Variants in PRKAA2 observed in about 807,000 individuals in gnomAD.
The protein encoded by PRKAA2 is protein kinase AMP-activated catalytic subunit alpha 2, also known as 5'-AMP-activated protein kinase catalytic subunit alpha-2.
In PRKAA2, 40 loss-of-function variants were observed where a neutral mutation model predicts 56.3. The observed-to-expected ratio is 0.71, with a 90% CI of 0.55 to 0.92. The LOEUF is 0.92. PRKAA2 is among the 40% of genes least tolerant of loss of function. The pLI, the probability that PRKAA2 is intolerant of heterozygous loss-of-function variation, is 0.00. For synonymous variants in PRKAA2, 214 were observed against 234.2 expected (o/e 0.91, Z 0.79); for missense variants, 542 against 686.9 (o/e 0.79, Z 2.36).
intron 6 of PRKAA2, among the ~76,000 whole-genome samples, chr1:56,697,012 A>ATTTTTTTTTTTTTTTCTT: frequency 1.7e-5 from 1 of 57,870 alleles, no homozygotes; most frequent in Non-Finnish European, 3.0e-5. Context: ...CCAGCAAAGA[A>ATTTTTTTTTTTTTTTCTT]TTTTTTTTTT....
chr1:56,687,252 A>G (rs1448573067), intron 2 of PRKAA2, among the ~76,000 whole-genome samples: 3 of 152,180 alleles, frequency 2.0e-5, no homozygotes, highest in Non-Finnish European at 4.4e-5. Flanking sequence ...TCAAATAACT[A>G]CAGCAAACAC....
At chr1:56,648,960 C>T (rs1228961292) in intron 1 of PRKAA2, among the ~76,000 whole-genome samples, 2 of 152,068 alleles carry the variant, frequency 1.3e-5, no homozygotes, top group Non-Finnish European at 2.9e-5. Context: ...GGATACAGAT[C>T]CTTTAATGGA....
chr1:56,654,053 A>G (rs1169865190), intron 1 of PRKAA2, among the ~76,000 whole-genome samples: 1 of 152,140 alleles, frequency 6.6e-6, no homozygotes, highest in African/African-American at 2.4e-5. Context: ...AGTAGAACCA[A>G]AATGAGGCTA....
chr1:56,654,801 G>A (rs1643927338), intron 1 of PRKAA2, among the ~76,000 whole-genome samples: 1 of 152,058 alleles, frequency 6.6e-6, no homozygotes, highest in South Asian at 2.1e-4. Context: ...GGTGTCTTAT[G>A]TTTGGCAGTG....
intron 1 of PRKAA2, chr1:56,671,519 T>G (rs955396939): frequency 6.6e-6 from 1 of 152,218 alleles, no homozygotes; most frequent in African/African-American, 2.4e-5. Flanking sequence ...GCAAGTTATA[T>G]TGCTTGAACT....
chr1:56,704,319 A>T lies in PRKAA2; in HGVS notation c.1137A>T (p.Lys379Asn). 1 of 1,614,162 alleles carries T rather than the reference A, an allele frequency of 6.2e-7. No individual in the cohort carries two copies. Among genetic ancestry groups the T allele is most frequent in the Non-Finnish European group, 8.5e-7 (1 of 1,180,028 alleles). The stretch of plus-strand genomic sequence containing the variant: ...CACCTCTTATAGCAGACAGCCCCAA[A>T]GCAAGATGTCCATTGGATGCACTGA... ...RMPPLIADSP[K>N]ARCPLDALNT... Residue 379 changes from lysine (K) to asparagine (N), a missense_variant, in exon 7 of 9, where the codon AAA (lysine) becomes AAT (asparagine). Physicochemically the swap from Lys to Asn is moderately conservative, Grantham distance 94 (BLOSUM62 0). Transcript: ENST00000371244.
At chr1:56,670,725 A>T (rs1432754251) in intron 1 of PRKAA2, among the ~76,000 whole-genome samples, 1 of 152,180 alleles carries the variant, frequency 6.6e-6, no homozygotes, top group Non-Finnish European at 1.5e-5. Context: ...TGTTCAACAG[A>T]TGAATGTTTC....
chr1:56,692,228 C>A (rs747431249), intron 3 of PRKAA2, 130 bp from the exon 4 acceptor site: 15 of 1,044,380 alleles, frequency 1.4e-5, no homozygotes, highest in Non-Finnish European at 2.1e-5. Context: ...GATGGAGTTT[C>A]ACCTTATTGG....
intron 1 of PRKAA2, among the ~76,000 whole-genome samples, chr1:56,652,857 A>G (rs917720554): frequency 6.6e-6 from 1 of 152,198 alleles, no homozygotes; most frequent in Non-Finnish European, 1.5e-5. Context: ...ACCAACATTG[A>G]GATAGAGCTG....
chr1:56,673,850 A>C (rs1644094586), intron 1 of PRKAA2, among the ~76,000 whole-genome samples: 1 of 152,214 alleles, frequency 6.6e-6, no homozygotes, highest in African/African-American at 2.4e-5. Context: ...ATACTATAAC[A>C]GTTTGAAAGA....
At chr1:56,656,804 G>T (rs1035448628) in intron 1 of PRKAA2, among the ~76,000 whole-genome samples, 1 of 152,146 alleles carries the variant, frequency 6.6e-6, no homozygotes, top group African/African-American at 2.4e-5. Context: ...CCATCCTGAC[G>T]TTCTGTGTTT....
rs1326013850 is a variant in PRKAA2, at chr1:56,714,217, CAG to C, written c.*6507_*6508del. 6.6e-6 allele frequency: 1 copy of C among 152,078 alleles called. No homozygotes were observed. The highest frequency in any genetic ancestry group is 1.5e-5 in the Non-Finnish European group (1 of 67,996). 9.4% of individuals were successfully genotyped at this position (152,078 alleles called of 1,614,324 possible). On this transcript the variant is annotated 3_prime_UTR_variant, in exon 9 of 9. Coordinates refer to ENST00000371244, the MANE Select transcript of PRKAA2 (RefSeq NM_006252.4). ...TAAAAAGTTTGTCAAGGAAACAACTCAGAGCTAAGAACAAAATCTAACTTGGA... is the reference window on the plus strand; with the variant it reads ...TAAAAAGTTTGTCAAGGAAACAACTCAGCTAAGAACAAAATCTAACTTGGA...
intron 2 of PRKAA2, among the ~76,000 whole-genome samples, chr1:56,689,044 G>T (rs895285726): frequency 1.3e-5 from 2 of 152,116 alleles, no homozygotes; most frequent in African/African-American, 4.8e-5. Flanking sequence ...TTAATTCCAA[G>T]AATATCTGTT....
intron 1 of PRKAA2, among the ~76,000 whole-genome samples, chr1:56,669,399 C>T (rs1186941625): frequency 6.6e-6 from 1 of 151,594 alleles, no homozygotes; most frequent in Admixed American, 6.6e-5. Context: ...GCAGAGGTTG[C>T]AGTGAACTGA....
In PRKAA2 at chr1:56,646,247, T is replaced by G. The variant is rs146096330; in HGVS notation, c.94+766T>G. ...AACGCTGGAATGCAGCTGGATTGGG[T>G]CAGAGGTTAATTAAAACAGAGAGGT... On this transcript the variant is annotated intron_variant, in intron 1 of 8. Coordinates refer to ENST00000371244, the MANE Select transcript of PRKAA2 (RefSeq NM_006252.4). 3.5e-4 allele frequency among the ~76,000 whole-genome samples: 53 copies of G among 152,198 alleles called. No homozygotes were observed. In the East Asian group the frequency reaches 9.5e-3, roughly 27 times the overall value.
At chr1:56,658,079 C>T (rs532591537) in intron 1 of PRKAA2, among the ~76,000 whole-genome samples, 5 of 152,184 alleles carry the variant, frequency 3.3e-5, no homozygotes, top group Admixed American at 6.5e-5. Context: ...AATGTAAAAA[C>T]ACAAATTTTT....
chr1:56,685,961 G>A (rs1396615212), intron 2 of PRKAA2, among the ~76,000 whole-genome samples: 1 of 152,076 alleles, frequency 6.6e-6, no homozygotes, highest in African/African-American at 2.4e-5. Context: ...TGCATATTGT[G>A]CATACACACA....
At chr1:56,662,481 C>T (rs1644002856) in intron 1 of PRKAA2, among the ~76,000 whole-genome samples, 1 of 152,082 alleles carries the variant, frequency 6.6e-6, no homozygotes, top group African/African-American at 2.4e-5. Flanking sequence ...CGAGGTCTCA[C>T]TATGTTGCCT....
rs541653930 is a variant in PRKAA2, at chr1:56,705,981, T to G, written c.1294-111T>G. 3 of 910,340 alleles carry G rather than the reference T, an allele frequency of 3.3e-6. No individual in the cohort carries two copies. The Admixed American group carries it at 8.3e-5, about 25-fold the overall frequency. 56.4% of individuals were successfully genotyped at this position (910,340 alleles called of 1,614,324 possible). A position where few individuals can be genotyped will look rare whatever the true frequency, so the allele number is the denominator to read the frequency against. On this transcript the variant is annotated intron_variant, in intron 7 of 8. Coordinates refer to ENST00000371244, the MANE Select transcript of PRKAA2 (RefSeq NM_006252.4). ...GTGAACTACCAGTAATATAAAAAAATTATTCGTATTCCTTTCCTACCTCAC... is the reference window on the plus strand; with the variant it reads ...GTGAACTACCAGTAATATAAAAAAAGTATTCGTATTCCTTTCCTACCTCAC...
Sources: gnomAD v4.1 joint callset for allele counts (sites outside exome capture counted in the v4.1 genomes callset) on GRCh38, gnomAD v4.1.1 for gene constraint, MANE v1.5 for transcripts, NCBI Gene and HGNC (gene_info 2026-07-23, HGNC 2026-07-21) for gene names.